Variants in SLC38A6 observed in about 807,000 individuals in gnomAD.
SLC38A6 encodes the protein N system amino acid transporter NAT-1.
SLC38A6 carries 73 observed loss-of-function variants against 65.0 expected under a neutral mutation model. The ratio of observed to expected loss-of-function variants is 1.12; its 90% CI spans 0.93 to 1.37. The LOEUF is 1.37. Among genes scored for constraint, SLC38A6 ranks in the 40% most tolerant of loss-of-function variants. The pLI, the probability that SLC38A6 is intolerant of heterozygous loss-of-function variation, is 0.00. For synonymous variants in SLC38A6, 183 were observed against 178.8 expected, an observed-to-expected ratio of 1.02 and a Z score of -0.19; for missense variants, 561 against 531.1, an observed-to-expected ratio of 1.06 and a Z score of -0.55.
intron 3 of SLC38A6, among the ~76,000 whole-genome samples, chr14:61,009,623 CAT>C (rs1223425923): frequency 6.6e-6 from 1 of 150,760 alleles, no homozygotes; most frequent in African/African-American, 2.4e-5. Flanking sequence ...TGAGTGAGAA[CAT>C]GTGGTGTTTG....
downstream of SLC38A6, among the ~76,000 whole-genome samples, chr14:61,054,213 A>G (rs2042627905): frequency 6.6e-6 from 1 of 152,018 alleles, no homozygotes; most frequent in Admixed American, 6.6e-5. Context: ...TGGGTTCTCT[A>G]TACTGTTCCA....
intron 2 of SLC38A6, among the ~76,000 whole-genome samples, chr14:60,982,946 A>G (rs1468809345): frequency 6.6e-6 from 1 of 152,204 alleles, no homozygotes; most frequent in African/African-American, 2.4e-5. Context: ...AATCAAAGCC[A>G]TGCAGATTAA....
chr14:61,002,133 A>G (rs1303303352), intron 3 of SLC38A6: 3 of 152,198 alleles, frequency 2.0e-5, no homozygotes, highest in East Asian at 3.8e-4. Flanking sequence ...TCATCTCTAT[A>G]TATGCAATAT....
In SLC38A6 at chr14:61,018,163, A is replaced by G. The variant is rs1185916766; in HGVS notation, c.364-1378A>G. On this transcript the variant is annotated intron_variant, in intron 4 of 15. Transcript: ENST00000267488. ...GCCAAAGAATGAAAGAATAATCATC[A>G]ATAAGTTAATATTACTGTTTTTTGC... 3.9e-5 allele frequency among the ~76,000 whole-genome samples: 6 copies of G among 152,368 alleles called. No homozygotes were observed. The East Asian group carries it at 1.2e-3, about 29-fold the overall frequency.
At chr14:61,025,750 T>C (rs557921388) in intron 5 of SLC38A6, among the ~76,000 whole-genome samples, 1 of 152,278 alleles carries the variant, frequency 6.6e-6, no homozygotes, top group East Asian at 1.9e-4. Context: ...CCCATATATT[T>C]TGATTTTCAT....
At chr14:61,015,824 A>G in intron 3 of SLC38A6, 80 bp from the exon 4 acceptor site, 1 of 1,071,560 alleles carries the variant, frequency 9.3e-7, no homozygotes, top group South Asian at 1.6e-5. Context: ...TTTAGTTTGT[A>G]GTAGGACCTG....
At chr14:60,991,576 G>A (rs1422868861) in intron 3 of SLC38A6, among the ~76,000 whole-genome samples, 3 of 152,106 alleles carry the variant, frequency 2.0e-5, no homozygotes, top group East Asian at 1.9e-4. Context: ...TTCCCCAGTC[G>A]TGCTGGGTAG....
At chr14:61,073,918 A>T (rs560703748) in intron 15 of SLC38A6, 1 of 151,768 alleles carries the variant, frequency 6.6e-6, no homozygotes, top group South Asian at 2.1e-4. Flanking sequence ...GAAGACCTTT[A>T]TGATGATCCA....
intron 6 of SLC38A6, chr14:61,033,916 A>G (rs540635336): frequency 9.2e-5 from 14 of 152,316 alleles, no homozygotes; most frequent in Admixed American, 2.6e-4. Flanking sequence ...TTAAAGTTCA[A>G]TCCTATGAAA....
intron 3 of SLC38A6, chr14:61,004,709 A>G (rs1182175987): frequency 1.3e-5 from 2 of 152,290 alleles, no homozygotes; most frequent in Non-Finnish European, 2.9e-5. Context: ...CTTACCAACC[A>G]AAAAGAATCC....
At chr14:61,000,452 G>T (rs574936725) in intron 3 of SLC38A6, among the ~76,000 whole-genome samples, 1 of 152,252 alleles carries the variant, frequency 6.6e-6, no homozygotes, top group African/African-American at 2.4e-5. Flanking sequence ...CCAACATGGC[G>T]AAACCCATCT....
chr14:61,035,343 A>G (rs2041282595), intron 6 of SLC38A6, among the ~76,000 whole-genome samples: 1 of 152,162 alleles, frequency 6.6e-6, no homozygotes, highest in African/African-American at 2.4e-5. Context: ...ATAGTTAATA[A>G]TTATATTTAT....
chr14:60,987,057 T>C (rs2037502439), intron 3 of SLC38A6: 1 of 422,432 alleles, frequency 2.4e-6, no homozygotes, highest in Non-Finnish European at 4.7e-6. Flanking sequence ...TGTAGCCTAC[T>C]TGGGCCCATG....
downstream of SLC38A6, among the ~76,000 whole-genome samples, chr14:61,054,614 G>A (rs2042643149): frequency 6.6e-6 from 1 of 151,990 alleles, no homozygotes; most frequent in Admixed American, 6.6e-5. Context: ...GTATTCCTAG[G>A]TATTTTATTC....
chr14:60,998,014 A>G (rs557533516), intron 3 of SLC38A6, among the ~76,000 whole-genome samples: 9 of 151,924 alleles, frequency 5.9e-5, no homozygotes, highest in Non-Finnish European at 8.8e-5. Context: ...TACTTCCCTG[A>G]AAAAGCTCAT....
At chr14:61,014,175 T>A (rs1334962053) in intron 3 of SLC38A6, among the ~76,000 whole-genome samples, 1 of 152,254 alleles carries the variant, frequency 6.6e-6, no homozygotes, top group Non-Finnish European at 1.5e-5. Flanking sequence ...GTTGATTGAA[T>A]CGGCTACTGA....
intron 15 of SLC38A6, among the ~76,000 whole-genome samples, chr14:61,071,867 G>C (rs747406548): frequency 1.3e-5 from 2 of 152,190 alleles, no homozygotes; most frequent in African/African-American, 4.8e-5. Context: ...TCTCACAGTA[G>C]TTGGTGCTCA....
chr14:61,004,590 A>C (rs2038948709), intron 3 of SLC38A6: 1 of 152,252 alleles, frequency 6.6e-6, no homozygotes, highest in African/African-American at 2.4e-5. Context: ...AATCTAGAAG[A>C]AATGGATAAA....
chr14:61,044,784 G>A (rs2042034720), intron 10 of SLC38A6, among the ~76,000 whole-genome samples: 1 of 152,122 alleles, frequency 6.6e-6, no homozygotes, highest in Non-Finnish European at 1.5e-5. Flanking sequence ...TTAAGAGTTT[G>A]TAGGTCTAGA....
Sources: gnomAD v4.1 joint callset for allele counts (sites outside exome capture counted in the v4.1 genomes callset) on GRCh38, gnomAD v4.1.1 for gene constraint, MANE v1.5 for transcripts, NCBI Gene and HGNC (gene_info 2026-07-23, HGNC 2026-07-21) for gene names.